RTKN2: variants seen among roughly 807,000 people sequenced by gnomAD.
The protein encoded by RTKN2 is rhotekin 2.
RTKN2 carries 69 observed loss-of-function variants against 71.5 expected under a neutral mutation model. The ratio of observed to expected loss-of-function variants is 0.96; its 90% confidence interval spans 0.79 to 1.18. The LOEUF is 1.18. Among genes scored for constraint, RTKN2 ranks in the 50% most tolerant of loss-of-function variants. The pLI is 0.00. For synonymous variants in RTKN2, 236 were observed against 236.5 expected, an observed-to-expected ratio of 1.00 and a Z score of 0.02; for missense variants, 724 against 719.7, an observed-to-expected ratio of 1.01 and a Z score of -0.07.
intron 5 of RTKN2, among the ~76,000 whole-genome samples, chr10:62,236,730 A>C (rs1842266784): frequency 6.6e-6 from 1 of 152,088 alleles, no homozygotes; most frequent in Non-Finnish European, 1.5e-5. Context: ...CAATGGTAAA[A>C]CAGATAAAGA....
chr10:62,245,243 A>G (rs1842455509), intron 3 of RTKN2, among the ~76,000 whole-genome samples: 1 of 152,080 alleles, frequency 6.6e-6, no homozygotes, highest in South Asian at 2.1e-4. Flanking sequence ...AGGAATTGAG[A>G]GAAAGGAAAC....
At chr10:62,192,249 T>C (rs78387068), downstream of RTKN2, among the ~76,000 whole-genome samples, 922 of 152,300 alleles carry the variant, frequency 6.1e-3, 4 homozygotes, top group African/African-American at 0.02. Context: ...TGAGAGAATA[T>C]GGTAATGATT....
chr10:62,234,515 A>AAAAAG (rs927597227), intron 6 of RTKN2, among the ~76,000 whole-genome samples: 1 of 151,864 alleles, frequency 6.6e-6, no homozygotes, highest in African/African-American at 2.4e-5. Flanking sequence ...AAAGAAAAAG[A>AAAAAG]AAAAGAAAAG....
chr10:62,210,773 TA>T lies in RTKN2; in HGVS notation c.1021-5752del, dbSNP rs549344552. ...TAGTATCAGTTTAATATAATTATTT[TA>T]AATTTATATTAATTAAATCAGATGT... On this transcript the variant is annotated intron_variant, in intron 9 of 11. Transcript: ENST00000373789. Among the ~76,000 whole-genome samples the T allele has an allele frequency of 4.2e-3, 632 of 152,194 alleles. 4 individuals carry two copies. The highest frequency in any genetic ancestry group is 0.014 in the African/African-American group (598 of 41,564).
At chr10:62,250,083 C>G (rs1842550388) in intron 2 of RTKN2, among the ~76,000 whole-genome samples, 2 of 152,178 alleles carry the variant, frequency 1.3e-5, no homozygotes, top group South Asian at 4.1e-4. Flanking sequence ...AATGGGGAAA[C>G]TAACATCTGA....
chr10:62,201,899 G>A (rs542046832), intron 10 of RTKN2, among the ~76,000 whole-genome samples: 8 of 152,030 alleles, frequency 5.3e-5, no homozygotes, highest in South Asian at 4.2e-4. Context: ...AAACAAGGGC[G>A]CAATATGAAA....
intron 9 of RTKN2, among the ~76,000 whole-genome samples, chr10:62,212,423 T>G (rs1373022801): frequency 3.3e-5 from 5 of 151,360 alleles, no homozygotes; most frequent in African/African-American, 7.3e-5. Flanking sequence ...ACTAAGAGAC[T>G]GGGTATGGTG....
At chr10:62,267,479 G>C (rs776903370) in intron 1 of RTKN2, among the ~76,000 whole-genome samples, 1 of 152,060 alleles carries the variant, frequency 6.6e-6, no homozygotes, top group African/African-American at 2.4e-5. Context: ...TAACAGGACA[G>C]GACTGAAAAA....
At position 62,193,789 on chromosome 10, in the gene RTKN2, G is replaced by A. The variant is rs932547858; in HGVS notation, c.*4119C>T. The A allele has an allele frequency of 4.1e-6, 4 of 983,640 alleles. No individual in the cohort carries two copies. The highest frequency in any genetic ancestry group is 6.2e-5 in the Admixed American group (1 of 16,250). The allele number at this position is 983,640 out of a possible 1,614,324, so 60.9% of individuals were successfully genotyped here. On this transcript the variant is annotated 3_prime_UTR_variant, in exon 12 of 12. Transcript: ENST00000373789. Reference sequence around the variant, plus strand: ...AAACTAAAAGTAAGGTTATGTCAATGGATTTTTAAAAGAGTATACTTTAAG... The same window carrying A: ...AAACTAAAAGTAAGGTTATGTCAATAGATTTTTAAAAGAGTATACTTTAAG...
intron 2 of RTKN2, among the ~76,000 whole-genome samples, chr10:62,248,252 T>A (rs1156964792): frequency 6.6e-6 from 1 of 152,066 alleles, no homozygotes; most frequent in Non-Finnish European, 1.5e-5. Context: ...TTTTAAAAAA[T>A]GAGAGGAGAA....
intron 10 of RTKN2, among the ~76,000 whole-genome samples, chr10:62,201,934 C>T (rs1428176780): frequency 6.6e-6 from 1 of 152,144 alleles, no homozygotes; most frequent in Admixed American, 6.5e-5. Flanking sequence ...GTTTTGTTCA[C>T]ATAACAATTT....
intron 2 of RTKN2, among the ~76,000 whole-genome samples, chr10:62,258,670 A>G (rs1187316830): frequency 1.3e-5 from 2 of 152,176 alleles, no homozygotes; most frequent in Non-Finnish European, 2.9e-5. Flanking sequence ...AATATTCAAG[A>G]TTTTTTTAAT....
chr10:62,228,461 G>C (rs976178612), intron 6 of RTKN2, among the ~76,000 whole-genome samples: 1 of 152,190 alleles, frequency 6.6e-6, no homozygotes, highest in African/African-American at 2.4e-5. Flanking sequence ...GGATGGGATG[G>C]AGGTAACATG....
At chr10:62,208,204 T>C (rs1465897961) in intron 9 of RTKN2, among the ~76,000 whole-genome samples, 3 of 152,188 alleles carry the variant, frequency 2.0e-5, no homozygotes, top group Non-Finnish European at 4.4e-5. Context: ...TACTTCCTCC[T>C]CTTCATTTCC....
At position 62,197,320 on chromosome 10, in the gene RTKN2, C is replaced by A. The variant is rs939066518; in HGVS notation, c.*588G>T. ...GTTTGAATAGCACATTACAAATTCC[C>A]TTTAAAGATGAAGAATTTAATATTC... On this transcript the variant is annotated 3_prime_UTR_variant, in exon 12 of 12. Transcript: ENST00000373789. 1.4e-5 allele frequency: 14 copies of A among 984,946 alleles called. No individual in the cohort carries two copies. The highest frequency in any genetic ancestry group is 1.6e-5 in the Non-Finnish European group (13 of 829,340). 61.0% of individuals were successfully genotyped at this position (984,946 alleles called of 1,614,324 possible).
Position 62,268,668 on chromosome 10 carries a change from C to A in RTKN2, c.-58G>T. ...CCTTCAAAGGGAAGATTTGAAAAGC[C>A]CGCCCCTGGCAGGAGCCGCAGAGGA... On this transcript the variant is annotated 5_prime_UTR_variant, in exon 1 of 12. Transcript: ENST00000373789. 1.3e-6 allele frequency: 2 copies of A among 1,518,086 alleles called. No individual in the cohort carries two copies. Among genetic ancestry groups the A allele is most frequent in the Non-Finnish European group, 1.8e-6 (2 of 1,122,116 alleles). The allele number at this position is 1,518,086 out of a possible 1,614,324, so 94.0% of individuals were successfully genotyped here.
chr10:62,225,546 G>C (rs1243435453), intron 6 of RTKN2, among the ~76,000 whole-genome samples: 3 of 152,152 alleles, frequency 2.0e-5, no homozygotes, highest in Admixed American at 1.3e-4. Flanking sequence ...TTCACAGAAT[G>C]AATCTCCTTC....
chr10:62,207,878 T>C (rs1358608626), intron 9 of RTKN2, among the ~76,000 whole-genome samples: 1 of 152,198 alleles, frequency 6.6e-6, no homozygotes, highest in Non-Finnish European at 1.5e-5. Flanking sequence ...AGAATTATTC[T>C]ATTAAGCCCA....
At chr10:62,235,293 ATTTAG>A (rs930539988) in intron 6 of RTKN2, among the ~76,000 whole-genome samples, 12 of 152,114 alleles carry the variant, frequency 7.9e-5, no homozygotes, top group African/African-American at 2.9e-4. Context: ...CTTATTTTTT[ATTTAG>A]TTAAGTATGA....
Sources: gnomAD v4.1 joint callset for allele counts (sites outside exome capture counted in the v4.1 genomes callset) on GRCh38, gnomAD v4.1.1 for gene constraint, MANE v1.5 for transcripts, NCBI Gene and HGNC (gene_info 2026-07-23, HGNC 2026-07-21) for gene names.